Variants in PRKCZ observed in about 807,000 individuals in gnomAD.
The protein encoded by PRKCZ is protein kinase C zeta type.
In PRKCZ, 33 loss-of-function variants were observed where a neutral mutation model predicts 79.5. That is an observed-to-expected ratio of 0.41 (90% CI 0.31 to 0.55). The LOEUF is 0.55. PRKCZ is among the 20% of genes least tolerant of loss of function. The pLI, the probability that PRKCZ is intolerant of heterozygous loss-of-function variation, is 0.19. For synonymous variants in PRKCZ, 342 were observed against 320.9 expected, an observed-to-expected ratio of 1.07 and a Z score of -0.70; for missense variants, 578 against 813.5, an observed-to-expected ratio of 0.71 and a Z score of 3.52.
chr1:2,126,548 C>T (rs942616441), intron 4 of PRKCZ, among the ~76,000 whole-genome samples: 1 of 152,126 alleles, frequency 6.6e-6, no homozygotes. Flanking sequence ...GTCACATGAC[C>T]GCCCTGGGCC....
At chr1:2,110,580 C>G (rs1571458187) in intron 4 of PRKCZ, among the ~76,000 whole-genome samples, 1 of 152,348 alleles carries the variant, frequency 6.6e-6, no homozygotes, top group African/African-American at 2.4e-5. Context: ...GAAGGTCCCC[C>G]AAGTCCCTGG....
chr1:2,098,192 G>A (rs1571349033), intron 4 of PRKCZ, among the ~76,000 whole-genome samples: 1 of 152,280 alleles, frequency 6.6e-6, no homozygotes, highest in East Asian at 1.9e-4. Context: ...GCAAGGATAT[G>A]TAAAGTACAA....
chr1:2,130,203 G>A (rs1473651680), intron 4 of PRKCZ, among the ~76,000 whole-genome samples: 1 of 152,212 alleles, frequency 6.6e-6, no homozygotes, highest in Non-Finnish European at 1.5e-5. Context: ...GCCACGCCTG[G>A]CCAAAAGGTG....
chr1:2,106,602 ACACG>A lies in PRKCZ; in HGVS notation c.335-28659_335-28656del, dbSNP rs1557574747. On this transcript the variant is annotated intron_variant, in intron 4 of 17. Coordinates refer to ENST00000378567, the MANE Select transcript of PRKCZ (RefSeq NM_002744.6). The stretch of plus-strand genomic sequence containing the variant: ...GCCCCTCCAGTGGGCGAGGACCTCC[ACACG>A]TGTCACCAGGCCAGGTAACTCTCAG... 5.0e-4 allele frequency among the ~76,000 whole-genome samples: 21 copies of A among 41,676 alleles called. 1 individual carries two copies. The highest frequency in any genetic ancestry group is 9.9e-4 in the South Asian group (1 of 1,014). The allele number at this position is 41,676 out of a possible 152,430, so 27.3% of individuals were successfully genotyped here. A position where few individuals can be genotyped will look rare whatever the true frequency, so the allele number is the denominator to read the frequency against.
chr1:2,125,190 G>GA lies in PRKCZ; in HGVS notation c.335-10064dup, dbSNP rs1297169859. 6.6e-6 allele frequency among the ~76,000 whole-genome samples: 1 copy of GA among 151,956 alleles called. No individual in the cohort carries two copies. The highest frequency in any genetic ancestry group is 1.5e-5 in the Non-Finnish European group (1 of 67,964). On this transcript the variant is annotated intron_variant, in intron 4 of 17. Transcript: ENST00000378567. The surrounding 1 kb of genome is among the most constrained non-coding windows in gnomAD (Gnocchi z 4.2). ...TGTTTTGTTTGTTTTAGTGAATCCA[G>GA]AAAAAAAATTTCTTACATAGAAAGG...
intron 10 of PRKCZ, chr1:2,169,129 A>G (rs1571966885): frequency 6.6e-6 from 3 of 457,864 alleles, no homozygotes; most frequent in Non-Finnish European, 8.8e-6. Context: ...TGCTGTCCCC[A>G]TGCAAGAAAC....
rs1678481433 is a variant in PRKCZ, at chr1:2,146,211, C to T, written c.634+103C>T. ...TCCTTTCTCAGTCCCATCTGCTCTG[C>T]AGGGGTCATTGTCTTCAAGCCTGGC... On this transcript the variant is annotated intron_variant, in intron 7 of 17. Transcript: ENST00000378567. The T allele has an allele frequency of 1.1e-5, 13 of 1,174,298 alleles. No homozygotes were observed. In the South Asian group the frequency reaches 1.7e-4, roughly 15 times the overall value. 72.7% of individuals were successfully genotyped at this position (1,174,298 alleles called of 1,614,324 possible).
At chr1:2,163,092 AGTG>A (rs1682630834) in intron 10 of PRKCZ, among the ~76,000 whole-genome samples, 2 of 152,240 alleles carry the variant, frequency 1.3e-5, no homozygotes, top group South Asian at 4.1e-4. Flanking sequence ...CTCTGGTGAC[AGTG>A]GCCAGCACCT....
intron 4 of PRKCZ, among the ~76,000 whole-genome samples, chr1:2,102,409 T>C (rs531140432): frequency 6.6e-6 from 1 of 152,106 alleles, no homozygotes; most frequent in East Asian, 1.9e-4. Flanking sequence ...CTTGGCTCAC[T>C]GCAAGCCCCG....
At chr1:2,117,576 A>G (rs1378716997) in intron 4 of PRKCZ, among the ~76,000 whole-genome samples, 3 of 152,168 alleles carry the variant, frequency 2.0e-5, no homozygotes, top group Non-Finnish European at 4.4e-5. Flanking sequence ...CTTCCAAAAC[A>G]GTATGGGACA....
intron 7 of PRKCZ, among the ~76,000 whole-genome samples, chr1:2,146,328 C>G (rs1367802209): frequency 2.6e-5 from 4 of 152,220 alleles, no homozygotes; most frequent in Non-Finnish European, 5.9e-5. Context: ...TCCCTGGAGG[C>G]TGCTGGGCAG....
chr1:2,058,422 G>T (rs1245073341), intron 3 of PRKCZ, among the ~76,000 whole-genome samples: 1 of 151,578 alleles, frequency 6.6e-6, no homozygotes, highest in Non-Finnish European at 1.5e-5. Flanking sequence ...AGGCTACAGT[G>T]AACTGTGATT....
At chr1:2,056,463 A>G (rs897543911) in intron 2 of PRKCZ, 21 bp from the exon 3 acceptor site, 12 of 1,609,352 alleles carry the variant, frequency 7.5e-6, no homozygotes, top group Non-Finnish European at 1.0e-5. Flanking sequence ...CGACGTCAGC[A>G]CCGTCTCCTG....
chr1:2,160,267 G>A (rs907702407), intron 10 of PRKCZ, among the ~76,000 whole-genome samples: 7 of 151,726 alleles, frequency 4.6e-5, no homozygotes, highest in Admixed American at 6.6e-5. Flanking sequence ...GTGTGTGTGT[G>A]TGTGTCAGTT....
chr1:2,169,425 C>T (rs534487598), intron 10 of PRKCZ, 93 bp from the exon 11 acceptor site: 11 of 1,083,472 alleles, frequency 1.0e-5, no homozygotes, highest in South Asian at 1.3e-5. Flanking sequence ...CGGGAGGGTT[C>T]GGGCCCACGA....
chr1:2,062,655 G>A (rs535966630), intron 4 of PRKCZ, among the ~76,000 whole-genome samples: 1 of 151,436 alleles, frequency 6.6e-6, no homozygotes, highest in South Asian at 2.1e-4. Context: ...ACACTTGGCC[G>A]AGTTTTTCTT....
chr1:2,165,232 C>T lies in PRKCZ; in HGVS notation c.975-4286C>T, dbSNP rs186772879. Among the ~76,000 whole-genome samples, 901 of 152,308 alleles carry T rather than the reference C, an allele frequency of 5.9e-3. 2 individuals carry two copies. The highest frequency in any genetic ancestry group is 0.014 in the Middle Eastern group (4 of 294). Reference sequence around the variant, plus strand: ...GAGCTTTAATGTCCGTCCTGCTCTCCGAGTCAGGAATCTGATTTTCCAGCG... The same window carrying T: ...GAGCTTTAATGTCCGTCCTGCTCTCTGAGTCAGGAATCTGATTTTCCAGCG... On this transcript the variant is annotated intron_variant, in intron 10 of 17. Transcript: ENST00000378567. The surrounding 1 kb of genome is among the most constrained non-coding windows in gnomAD (Gnocchi z 4.1).
chr1:2,065,050 T>C (rs1196725857), intron 4 of PRKCZ, among the ~76,000 whole-genome samples: 1 of 152,242 alleles, frequency 6.6e-6, no homozygotes, highest in Non-Finnish European at 1.5e-5. Flanking sequence ...GTTTTCCTTG[T>C]ACAAGTCTTT....
chr1:2,098,458 G>A (rs1447477751), intron 4 of PRKCZ: 1 of 152,176 alleles, frequency 6.6e-6, no homozygotes, highest in African/African-American at 2.4e-5. Context: ...TCGAGTTGCT[G>A]GCTTCTCTAA....
Sources: gnomAD v4.1 joint callset for allele counts (sites outside exome capture counted in the v4.1 genomes callset) on GRCh38, gnomAD v4.1.1 for gene constraint, Gnocchi (gnomAD v3.1) non-coding constraint, MANE v1.5 for transcripts, NCBI Gene and HGNC (gene_info 2026-07-23, HGNC 2026-07-21) for gene names.